The following NDST3 variants were observed in gnomAD, a reference collection of about 807,000 sequenced individuals.
The protein encoded by NDST3 is bifunctional heparan sulfate N-deacetylase/N-sulfotransferase 3.
NDST3 carries 58 observed loss-of-function variants against 96.1 expected under a neutral mutation model. The observed-to-expected ratio is 0.60, with a 90% CI of 0.49 to 0.75. The LOEUF (loss-of-function observed/expected upper bound fraction) is 0.75, where lower values mean the gene tolerates loss of function less well. Among genes scored for constraint, NDST3 ranks in the 30% least tolerant of loss-of-function variants. The pLI is 0.00. For synonymous variants in NDST3, 333 were observed against 359.7 expected (o/e 0.93, Z 0.84); for missense variants, 788 against 1,034.2 (o/e 0.76, Z 3.27).
intron 6 of NDST3, among the ~76,000 whole-genome samples, chr4:118,207,931 C>T (rs1230253185): frequency 6.9e-6 from 1 of 144,286 alleles, no homozygotes; most frequent in Non-Finnish European, 1.5e-5. Flanking sequence ...CCTTGTGCCT[C>T]TTATGTGCAG....
intron 2 of NDST3, among the ~76,000 whole-genome samples, chr4:118,075,460 G>A (rs1404416740): frequency 6.6e-6 from 1 of 152,156 alleles, no homozygotes; most frequent in Non-Finnish European, 1.5e-5. Flanking sequence ...CTAGATCCTT[G>A]AGGAATCACC....
intron 1 of NDST3, among the ~76,000 whole-genome samples, chr4:118,044,734 A>G (rs1227478565): frequency 2.0e-5 from 3 of 152,214 alleles, no homozygotes; most frequent in Admixed American, 2.0e-4. Context: ...TTGGAAGTCT[A>G]AGAGCATGGT....
In NDST3 at chr4:118,236,978, T is replaced by C. The variant is rs189580311; in HGVS notation, c.1944-68T>C. On this transcript the variant is annotated intron_variant, in intron 9 of 13. Coordinates refer to ENST00000296499, the MANE Select transcript of NDST3 (RefSeq NM_004784.3). Reference sequence around the variant, plus strand: ...AACACATGAATTTGTGGGACACTTTTAACATCTTTGGTCACCAGAATGAGT... The same window carrying C: ...AACACATGAATTTGTGGGACACTTTCAACATCTTTGGTCACCAGAATGAGT... The C allele has an allele frequency of 4.1e-6, 5 of 1,225,188 alleles. No homozygotes were observed. The Admixed American group carries it at 1.5e-4, about 37-fold the overall frequency. The allele number at this position is 1,225,188 out of a possible 1,614,324, so 75.9% of individuals were successfully genotyped here.
At chr4:118,235,045 AAAGG>A (rs780229979) in intron 9 of NDST3, among the ~76,000 whole-genome samples, 252 of 16,802 alleles carry the variant, frequency 0.015, 1 homozygote, top group African/African-American at 0.021. Flanking sequence ...AAAGAAAAAA[AAAGG>A]AAGGAAGGAA....
intron 4 of NDST3, among the ~76,000 whole-genome samples, chr4:118,123,317 A>G (rs1731763369): frequency 6.6e-6 from 1 of 152,098 alleles, no homozygotes; most frequent in Non-Finnish European, 1.5e-5. Flanking sequence ...AAGATTCCTA[A>G]TCAACCTTGC....
At chr4:118,173,109 CACA>C (rs1736057939) in intron 6 of NDST3, among the ~76,000 whole-genome samples, 3 of 150,324 alleles carry the variant, frequency 2.0e-5, no homozygotes. Flanking sequence ...ATTTAATCCT[CACA>C]ACAACTCTAT....
intron 6 of NDST3, among the ~76,000 whole-genome samples, chr4:118,186,491 C>T (rs1043849030): frequency 6.6e-6 from 1 of 152,136 alleles, no homozygotes; most frequent in Non-Finnish European, 1.5e-5. Context: ...TGTTCGAGGA[C>T]AGGAGGCGTC....
Position 118,134,750 on chromosome 4 carries a change from T to C in NDST3, c.1225-3304T>C, listed in dbSNP as rs17049609. Among the ~76,000 whole-genome samples, 1,008 of 152,328 alleles carry C rather than the reference T, an allele frequency of 6.6e-3. 8 individuals are homozygous for C. Among genetic ancestry groups the C allele is most frequent in the African/African-American group, 0.023 (966 of 41,578 alleles). ...CTATTAAGACTATTAATTCCACTTG[T>C]GATCCAAATACTTCATTTACGTTTT... On this transcript the variant is annotated intron_variant, in intron 4 of 13. Transcript: ENST00000296499.
chr4:118,173,355 CT>C (rs1013030040), intron 6 of NDST3, among the ~76,000 whole-genome samples: 1 of 152,116 alleles, frequency 6.6e-6, no homozygotes, highest in African/African-American at 2.4e-5. Context: ...TAGACTACCC[CT>C]GGCCCATGCT....
intron 2 of NDST3, among the ~76,000 whole-genome samples, chr4:118,087,238 G>A (rs1283997337): frequency 6.6e-6 from 1 of 152,100 alleles, no homozygotes; most frequent in Admixed American, 6.6e-5. Flanking sequence ...AGATCACATA[G>A]ATGATATGTA....
At chr4:118,170,744 GA>G (rs112519545) in intron 6 of NDST3, among the ~76,000 whole-genome samples, 5,323 of 152,042 alleles carry the variant, frequency 0.035, 137 homozygotes, top group African/African-American at 0.071. Flanking sequence ...AAGAAACAAA[GA>G]AAAAATAAGT....
At chr4:118,253,433 C>T in intron 12 of NDST3, 66 bp from the exon 13 acceptor site, 3 of 1,006,456 alleles carry the variant, frequency 3.0e-6, no homozygotes, top group Non-Finnish European at 4.7e-6. Context: ...TATTGGTCAC[C>T]ATATCATATA....
intron 6 of NDST3, among the ~76,000 whole-genome samples, chr4:118,166,974 G>C (rs759275405): frequency 3.3e-5 from 5 of 151,376 alleles, no homozygotes; most frequent in Admixed American, 6.6e-5. Flanking sequence ...AAACTTGCGT[G>C]AGGAACAAGG....
chr4:118,240,485 C>G, intron 10 of NDST3, 39 bp from the exon 11 acceptor site: 1 of 1,486,200 alleles, frequency 6.7e-7, no homozygotes, highest in Non-Finnish European at 9.1e-7. Flanking sequence ...TTTATGCCTA[C>G]GGTTCAGATT....
chr4:118,205,999 A>C (rs1738420471), intron 6 of NDST3, among the ~76,000 whole-genome samples: 1 of 142,162 alleles, frequency 7.0e-6, no homozygotes, highest in Non-Finnish European at 1.6e-5. Context: ...CGCCCAGCTA[A>C]TTTTTTGTAT....
intron 2 of NDST3, among the ~76,000 whole-genome samples, chr4:118,077,207 G>A (rs985685888): frequency 6.6e-6 from 1 of 152,264 alleles, no homozygotes; most frequent in Middle Eastern, 3.4e-3. Context: ...CTGATGGGGG[G>A]GTGCCAGCCA....
At chr4:118,052,570 T>A (rs1304393954) in intron 1 of NDST3, among the ~76,000 whole-genome samples, 1 of 151,978 alleles carries the variant, frequency 6.6e-6, no homozygotes, top group Non-Finnish European at 1.5e-5. Flanking sequence ...ATTCCTTAGG[T>A]GCCCAGGTAA....
intron 10 of NDST3, among the ~76,000 whole-genome samples, chr4:118,237,870 A>G: frequency 6.6e-6 from 1 of 151,814 alleles, no homozygotes; most frequent in East Asian, 1.9e-4. Context: ...GCATTTTGGA[A>G]GGTGGGAAGA....
chr4:118,227,337 A>G (rs1739957837), intron 8 of NDST3, among the ~76,000 whole-genome samples: 2 of 152,144 alleles, frequency 1.3e-5, no homozygotes, highest in Admixed American at 1.3e-4. Flanking sequence ...AGGGACACAG[A>G]TAAGTACCTA....
Sources: gnomAD v4.1 joint callset for allele counts (sites outside exome capture counted in the v4.1 genomes callset) on GRCh38, gnomAD v4.1.1 for gene constraint, MANE v1.5 for transcripts, NCBI Gene and HGNC (gene_info 2026-07-23, HGNC 2026-07-21) for gene names.